The following BBOX1 variants were observed in gnomAD, a reference collection of about 807,000 sequenced individuals.
BBOX1 encodes the protein gamma-butyrobetaine dioxygenase.
Under a neutral mutation model 41.6 loss-of-function variants are expected in BBOX1, and 35 were observed. The observed-to-expected ratio is 0.84, with a 90% CI of 0.64 to 1.11. BBOX1 has a LOEUF of 1.11. BBOX1 is among the 50% of genes most tolerant of loss of function. The probability of loss-of-function intolerance (pLI) is 0.00; values close to 1 mark genes in which losing one functional copy is unlikely to be tolerated. For missense variants in BBOX1, 458 were observed against 460.6 expected (o/e 0.99, Z 0.05); for synonymous variants, 163 against 154.7 (o/e 1.05, Z -0.40).
chr11:27,120,152 T>C (rs1859412907), intron 7 of BBOX1, among the ~76,000 whole-genome samples: 5 of 152,066 alleles, frequency 3.3e-5, no homozygotes, highest in Admixed American at 3.3e-4. Context: ...TGGCCAGAAG[T>C]GAAAGAATAT....
chr11:27,045,240 G>A (rs912677588), intron 2 of BBOX1, among the ~76,000 whole-genome samples: 3 of 152,042 alleles, frequency 2.0e-5, no homozygotes, highest in African/African-American at 7.2e-5. Flanking sequence ...GTCTGTTATT[G>A]GTGTATAGGA....
At chr11:27,073,672 T>A (rs990974509) in intron 4 of BBOX1, among the ~76,000 whole-genome samples, 3 of 152,038 alleles carry the variant, frequency 2.0e-5, no homozygotes, top group Non-Finnish European at 4.4e-5. Context: ...CAAATGTCCA[T>A]CAATGATAGA....
chr11:27,106,108 G>A (rs1275441902), intron 5 of BBOX1, among the ~76,000 whole-genome samples: 1 of 152,032 alleles, frequency 6.6e-6, no homozygotes, highest in Non-Finnish European at 1.5e-5. Flanking sequence ...ACATGGAAAG[G>A]AACAACCGGT....
At position 27,093,269 on chromosome 11, in the gene BBOX1, A is replaced by G. The variant is rs1858316457; in HGVS notation, c.436A>G (p.Lys146Glu). The G allele has an allele frequency of 6.2e-7, 1 of 1,612,606 alleles. No individual in the cohort carries two copies. Among genetic ancestry groups the G allele is most frequent in the Admixed American group, 1.7e-5 (1 of 59,834 alleles). Residue 146 changes from lysine to glutamate, a missense_variant, in exon 5 of 9, where the codon AAA becomes GAA. Transcript: ENST00000263182. ...ATACAAGTGGCTCTCCACCCTCAAG[A>G]AAGTAGGCATAGTAAGACTCACCGG... ...HAYKWLSTLK[K>E]VGIVRLTGAS...
At chr11:27,092,729 C>A (rs959253581) in intron 4 of BBOX1, among the ~76,000 whole-genome samples, 1 of 152,014 alleles carries the variant, frequency 6.6e-6, no homozygotes, top group Middle Eastern at 3.4e-3. Flanking sequence ...TCCTCAACCC[C>A]CAGCTCCCAA....
chr11:27,107,545 T>C (rs970900524), intron 5 of BBOX1, among the ~76,000 whole-genome samples: 7 of 151,972 alleles, frequency 4.6e-5, no homozygotes, highest in Non-Finnish European at 1.0e-4. Flanking sequence ...AATAATCTGG[T>C]CCCATACCTC....
intron 4 of BBOX1, among the ~76,000 whole-genome samples, chr11:27,076,336 C>T (rs1364724947): frequency 6.6e-6 from 1 of 152,210 alleles, no homozygotes; most frequent in Non-Finnish European, 1.5e-5. Context: ...TTGGCTTTCT[C>T]AAATGCTGGC....
At chr11:27,042,455 C>T (rs1204641005) in intron 2 of BBOX1, among the ~76,000 whole-genome samples, 4 of 152,156 alleles carry the variant, frequency 2.6e-5, no homozygotes, top group Non-Finnish European at 4.4e-5. Context: ...TGGGTTCAAG[C>T]GATTCTCCTG....
In BBOX1 at chr11:27,055,539, A is replaced by T; in HGVS notation, c.109A>T (p.Asn37Tyr). Reference protein sequence around the residue: ...SLYPAVWLRDNCPCSDCYLDS... With the variant: ...SLYPAVWLRDYCPCSDCYLDS... ...CTACCCAGCTGTATGGTTGAGAGAC[A>T]ACTGTCCGTGCTCTGATTGCTACCT... The change falls in exon 3 of 9, where the codon AAC becomes TAC. Residue 37 changes from asparagine to tyrosine, a missense_variant. Physicochemically the swap from Asn to Tyr is moderately radical, Grantham distance 143. Transcript: ENST00000263182. 1 of 1,614,192 alleles carries T rather than the reference A, an allele frequency of 6.2e-7. No homozygotes were observed.
At chr11:27,085,268 C>G (rs1156954083) in intron 4 of BBOX1, among the ~76,000 whole-genome samples, 1 of 152,146 alleles carries the variant, frequency 6.6e-6, no homozygotes, top group Non-Finnish European at 1.5e-5. Flanking sequence ...TTCACAGATA[C>G]TGCATTTTTT....
intron 8 of BBOX1, among the ~76,000 whole-genome samples, chr11:27,126,941 C>G (rs61888359): frequency 1.3e-5 from 2 of 151,970 alleles, no homozygotes; most frequent in Non-Finnish European, 2.9e-5. Flanking sequence ...CCCAAAGTGC[C>G]GGGATTACAG....
At chr11:27,064,604 C>A (rs1221355242) in intron 4 of BBOX1, among the ~76,000 whole-genome samples, 2 of 152,054 alleles carry the variant, frequency 1.3e-5, no homozygotes, top group South Asian at 2.1e-4. Flanking sequence ...CAAAGAAAGA[C>A]CATGGTTTTA....
At chr11:27,102,411 C>CA (rs985579945) in intron 5 of BBOX1, among the ~76,000 whole-genome samples, 2 of 152,000 alleles carry the variant, frequency 1.3e-5, no homozygotes, top group African/African-American at 4.8e-5. Flanking sequence ...CCAGCCAGGT[C>CA]AAAAAATGGA....
intron 4 of BBOX1, among the ~76,000 whole-genome samples, chr11:27,071,917 A>C (rs1271799515): frequency 6.6e-6 from 1 of 152,154 alleles, no homozygotes; most frequent in African/African-American, 2.4e-5. Context: ...GATGGGACAT[A>C]TCTCAAAATA....
chr11:27,110,660 T>C (rs1859028407), intron 5 of BBOX1, among the ~76,000 whole-genome samples: 1 of 151,954 alleles, frequency 6.6e-6, no homozygotes, highest in South Asian at 2.1e-4. Flanking sequence ...CAGCATCATC[T>C]CTGTAATAAT....
At chr11:27,098,181 T>A (rs916138672) in intron 5 of BBOX1, among the ~76,000 whole-genome samples, 24 of 151,996 alleles carry the variant, frequency 1.6e-4, no homozygotes, top group African/African-American at 5.6e-4. Context: ...CCTTTTCACT[T>A]GACTTACTAA....
At chr11:27,055,831 TTAC>T (rs977665597) in intron 3 of BBOX1, among the ~76,000 whole-genome samples, 182 bp downstream of exon 3, 2 of 152,172 alleles carry the variant, frequency 1.3e-5, no homozygotes, top group African/African-American at 2.4e-5. Context: ...GCTATTATTA[TTAC>T]TATTATCATT....
At chr11:27,070,551 A>G (rs375516079) in intron 4 of BBOX1, among the ~76,000 whole-genome samples, 9 of 152,172 alleles carry the variant, frequency 5.9e-5, no homozygotes, top group African/African-American at 2.2e-4. Context: ...GTTGCTTTAA[A>G]GTCTGTTTAA....
intron 4 of BBOX1, among the ~76,000 whole-genome samples, chr11:27,064,137 G>T (rs1040734398): frequency 1.4e-4 from 21 of 152,030 alleles, no homozygotes; most frequent in African/African-American, 5.1e-4. Flanking sequence ...ATCAGGGATG[G>T]GGTAAGTGTA....
Sources: allele counts gnomAD v4.1 joint callset (sites outside exome capture counted in the v4.1 genomes callset), GRCh38; gene constraint gnomAD v4.1.1; transcripts MANE v1.5; gene names NCBI Gene and HGNC (gene_info 2026-07-23, HGNC 2026-07-21).